The following SNX25 variants were observed in gnomAD, a reference collection of about 807,000 sequenced individuals.
The protein encoded by SNX25 is sorting nexin-25.
Under a neutral mutation model 113.7 loss-of-function variants are expected in SNX25, and 62 were observed. The observed-to-expected ratio is 0.55, with a 90% CI of 0.44 to 0.67. The LOEUF is 0.67. Among genes scored for constraint, SNX25 ranks in the 30% least tolerant of loss-of-function variants. SNX25 has a pLI of 0.00. For missense variants in SNX25, 1,014 were observed against 1,161.0 expected, an observed-to-expected ratio of 0.87 and a Z score of 1.84; for synonymous variants, 421 against 436.2, an observed-to-expected ratio of 0.97 and a Z score of 0.43.
At chr4:185,233,690 A>G (rs142724630) in intron 1 of SNX25, among the ~76,000 whole-genome samples, 38 of 152,160 alleles carry the variant, frequency 2.5e-4, no homozygotes, top group African/African-American at 8.7e-4. Context: ...TCTGATTTCA[A>G]TTTTCAAGTG....
At chr4:185,333,719 G>A (rs1279992435) in intron 10 of SNX25, among the ~76,000 whole-genome samples, 2 of 152,166 alleles carry the variant, frequency 1.3e-5, no homozygotes, top group Admixed American at 6.5e-5. Context: ...ACAAAATTGT[G>A]TAGGAAGAAG....
chr4:185,237,538 G>A (rs1742821042), intron 1 of SNX25, among the ~76,000 whole-genome samples: 1 of 151,904 alleles, frequency 6.6e-6, no homozygotes, highest in Non-Finnish European at 1.5e-5. Flanking sequence ...AACCCACTTT[G>A]GATTTGTTGG....
chr4:185,306,579 C>G (rs757380573), intron 6 of SNX25, among the ~76,000 whole-genome samples: 6 of 152,154 alleles, frequency 3.9e-5, no homozygotes, highest in Non-Finnish European at 8.8e-5. Context: ...AAATGGGTGT[C>G]AGTTTTCTCC....
the SNX25 span, chr4:185,378,515 G>A: frequency 1.9e-6 from 2 of 1,067,228 alleles, no homozygotes; most frequent in Admixed American, 5.0e-5. Flanking sequence ...CAGCACAAGT[G>A]TTGCCACTTA....
chr4:185,216,680 C>T (rs535814828), intron 1 of SNX25, among the ~76,000 whole-genome samples: 8 of 151,970 alleles, frequency 5.3e-5, no homozygotes, highest in Admixed American at 2.0e-4. Flanking sequence ...CCACCACGCC[C>T]GGCTACTTTT....
chr4:185,326,428 G>A (rs984407271), intron 9 of SNX25, among the ~76,000 whole-genome samples: 4 of 152,110 alleles, frequency 2.6e-5, no homozygotes, highest in African/African-American at 9.7e-5. Flanking sequence ...ACCTTCTAAA[G>A]AGGACCAAAA....
downstream of SNX25, among the ~76,000 whole-genome samples, chr4:185,374,864 A>G (rs1237307909): frequency 6.6e-6 from 1 of 152,110 alleles, no homozygotes; most frequent in Non-Finnish European, 1.5e-5. Flanking sequence ...AATTCTTACG[A>G]TACACTTGCG....
rs375527848 is a variant in SNX25, at chr4:185,339,411, A to G, written c.1947A>G (p.Leu649=). The G allele has an allele frequency of 2.6e-5, 42 of 1,614,082 alleles. No homozygotes were observed. The East Asian group carries it at 3.1e-4, about 12-fold the overall frequency. ...CCAAGTTGAAGGATGAAATAATCCT[A>G]ATAGAGAAAGAACGCACAGACCTTC... The part of the protein sequence containing the change: ...IVSKLKDEII[L]IEKERTDLQL... The change falls in exon 11 of 19, where the codon CTA becomes CTG. Residue 649 remains leucine, a synonymous_variant. Coordinates refer to ENST00000652585, the MANE Select transcript of SNX25 (RefSeq NM_001378034.2).
chr4:185,289,528 G>C (rs1751856032), intron 6 of SNX25, among the ~76,000 whole-genome samples: 1 of 152,152 alleles, frequency 6.6e-6, no homozygotes, highest in Non-Finnish European at 1.5e-5. Flanking sequence ...CCAAACACGA[G>C]CTCAGAGAGG....
At chr4:185,370,778 C>G, downstream of SNX25, 1 of 1,614,074 alleles carries the variant, frequency 6.2e-7, no homozygotes, top group Non-Finnish European at 8.5e-7. Context: ...CCTGGGCGAT[C>G]ATGGGGATGT....
At chr4:185,253,367 C>CA (rs1039287925) in intron 2 of SNX25, among the ~76,000 whole-genome samples, 38 of 151,770 alleles carry the variant, frequency 2.5e-4, no homozygotes, top group Non-Finnish European at 4.6e-4. Context: ...ACGTTGCACA[C>CA]AAAAAAACCC....
chr4:185,297,787 C>G (rs1753044658), intron 6 of SNX25, among the ~76,000 whole-genome samples: 1 of 152,120 alleles, frequency 6.6e-6, no homozygotes, highest in Non-Finnish European at 1.5e-5. Context: ...AGGGCTCTAA[C>G]TCCATCATGG....
At chr4:185,339,270 G>A in intron 10 of SNX25, 109 bp from the exon 11 acceptor site, 4 of 986,900 alleles carry the variant, frequency 4.1e-6, no homozygotes, top group Middle Eastern at 4.6e-4. Flanking sequence ...CACTGTTAGT[G>A]TATCGAAACA....
intron 1 of SNX25, among the ~76,000 whole-genome samples, chr4:185,220,155 G>C (rs1458053452): frequency 6.6e-6 from 1 of 152,144 alleles, no homozygotes; most frequent in East Asian, 1.9e-4. Context: ...TTGGGCCTCA[G>C]ACTTATTTAT....
intron 1 of SNX25, among the ~76,000 whole-genome samples, chr4:185,226,096 G>A (rs946310319): frequency 1.3e-5 from 2 of 152,132 alleles, no homozygotes; most frequent in Non-Finnish European, 2.9e-5. Context: ...TAAGGCACCT[G>A]GTTGTGACTG....
intron 3 of SNX25, 150 bp downstream of exon 3, chr4:185,259,214 C>A: frequency 1.5e-6 from 1 of 672,984 alleles, no homozygotes; most frequent in Non-Finnish European, 2.4e-6. Flanking sequence ...TAATTATGTT[C>A]TGGTAGAGTA....
intron 15 of SNX25, 52 bp from the exon 16 acceptor site, chr4:185,357,619 C>A (rs1397954521): frequency 7.1e-7 from 1 of 1,414,194 alleles, no homozygotes; most frequent in Non-Finnish European, 1.0e-6. Context: ...ATGAAAATGT[C>A]CCAAATTGTG....
intron 9 of SNX25, among the ~76,000 whole-genome samples, chr4:185,324,344 G>A (rs1464240257): frequency 1.3e-5 from 2 of 152,176 alleles, no homozygotes; most frequent in Non-Finnish European, 2.9e-5. Flanking sequence ...TAAATAAAGA[G>A]GAAAGAAACA....
In SNX25 at chr4:185,209,647, G is replaced by A; in HGVS notation, c.-180G>A. ...GGCTGCGCCCGGCCCGGCAGCTACG[G>A]GCCCAGCGCCTGGTGGCGGCGCTGA... On this transcript the variant is annotated 5_prime_UTR_variant, in exon 1 of 19. Transcript: ENST00000652585. This position sits in a 1 kb window ranked among gnomAD's most constrained non-coding sequence, Gnocchi z 5.2. The A allele has an allele frequency of 2.7e-6, 2 of 748,618 alleles. No individual in the cohort carries two copies. Among genetic ancestry groups the A allele is most frequent in the Non-Finnish European group, 3.3e-6 (2 of 613,642 alleles). 46.4% of individuals were successfully genotyped at this position (748,618 alleles called of 1,614,324 possible).
Sources: gnomAD v4.1 joint callset for allele counts (sites outside exome capture counted in the v4.1 genomes callset) on GRCh38, gnomAD v4.1.1 for gene constraint, Gnocchi (gnomAD v3.1) non-coding constraint, MANE v1.5 for transcripts, NCBI Gene and HGNC (gene_info 2026-07-23, HGNC 2026-07-21) for gene names.